The following ESRRG variants were observed in gnomAD, a reference collection of about 807,000 sequenced individuals.
The protein encoded by ESRRG is estrogen-related receptor gamma.
Under a neutral mutation model 44.0 loss-of-function variants are expected in ESRRG, and 13 were observed. The ratio of observed to expected loss-of-function variants is 0.30; its 90% confidence interval spans 0.19 to 0.47. The LOEUF (loss-of-function observed/expected upper bound fraction) is 0.47, where lower values mean the gene tolerates loss of function less well. ESRRG is among the 20% of genes least tolerant of loss of function. The probability of loss-of-function intolerance (pLI) is 1.00; values close to 1 mark genes in which losing one functional copy is unlikely to be tolerated. For synonymous variants in ESRRG, 215 were observed against 214.6 expected, an observed-to-expected ratio of 1.00 and a Z score of -0.02; for missense variants, 395 against 580.6, an observed-to-expected ratio of 0.68 and a Z score of 3.29.
chr1:217,089,612 C>T (rs2092294463), upstream of ESRRG: 3 of 152,296 alleles, frequency 2.0e-5, no homozygotes, highest in South Asian at 6.2e-4. Context: ...AACCCCCATG[C>T]AGGAACATTG....
At chr1:217,039,839 GC>G (rs1359684268) in intron 1 of ESRRG, among the ~76,000 whole-genome samples, 1 of 152,042 alleles carries the variant, frequency 6.6e-6, no homozygotes, top group East Asian at 1.9e-4. Flanking sequence ...TTGAAGACTG[GC>G]TTTTGTTTTT....
intron 2 of ESRRG, among the ~76,000 whole-genome samples, chr1:216,665,765 G>T (rs1318105199): frequency 6.6e-6 from 1 of 152,064 alleles, no homozygotes; most frequent in Non-Finnish European, 1.5e-5. Context: ...AAGTATAAAA[G>T]CTAAAATACT....
chr1:216,888,429 T>A (rs1372293638), intron 2 of ESRRG, among the ~76,000 whole-genome samples: 1 of 152,190 alleles, frequency 6.6e-6, no homozygotes, highest in Non-Finnish European at 1.5e-5. Flanking sequence ...TATTTGCTTG[T>A]TTGTCTTATT....
intron 3 of ESRRG, among the ~76,000 whole-genome samples, chr1:216,634,651 C>G (rs1269046268): frequency 6.6e-6 from 1 of 152,170 alleles, no homozygotes; most frequent in African/African-American, 2.4e-5. Flanking sequence ...GCTGGACAGG[C>G]AGTGCGTCCA....
At chr1:216,608,911 G>T (rs572782141) in intron 3 of ESRRG, among the ~76,000 whole-genome samples, 3 of 152,198 alleles carry the variant, frequency 2.0e-5, no homozygotes, top group Non-Finnish European at 4.4e-5. Context: ...AGGAGGAATT[G>T]TGTCTTCTGA....
chr1:216,951,229 T>C (rs1470301038), intron 1 of ESRRG, among the ~76,000 whole-genome samples: 1 of 152,204 alleles, frequency 6.6e-6, no homozygotes, highest in African/African-American at 2.4e-5. Context: ...TTGAACAATA[T>C]TAGTAACATT....
intron 2 of ESRRG, among the ~76,000 whole-genome samples, chr1:216,661,638 CT>C: frequency 6.6e-6 from 1 of 152,218 alleles, no homozygotes; most frequent in East Asian, 1.9e-4. Flanking sequence ...AGAAATTTTA[CT>C]TCTTGAGATT....
intron 1 of ESRRG, among the ~76,000 whole-genome samples, chr1:216,687,595 A>T (rs1038852703): frequency 6.6e-6 from 1 of 152,122 alleles, no homozygotes; most frequent in Non-Finnish European, 1.5e-5. Flanking sequence ...GAGAATCTGG[A>T]TGCAAGGGAT....
chr1:216,682,119 A>G (rs1418584004), intron 1 of ESRRG: 1 of 152,244 alleles, frequency 6.6e-6, no homozygotes, highest in Non-Finnish European at 1.5e-5. Flanking sequence ...TCATCATGTG[A>G]ATTTTACACA....
chr1:216,807,213 G>T (rs1043621301), intron 2 of ESRRG, among the ~76,000 whole-genome samples: 1 of 152,114 alleles, frequency 6.6e-6, no homozygotes, highest in Non-Finnish European at 1.5e-5. Flanking sequence ...TTGTTCCACC[G>T]TCGAATGGCA....
At chr1:216,713,419 C>T (rs1309000966) in intron 1 of ESRRG, among the ~76,000 whole-genome samples, 1 of 149,266 alleles carries the variant, frequency 6.7e-6, no homozygotes, top group African/African-American at 2.5e-5. Context: ...GCACAACTCA[C>T]AGATGCCCTA....
At chr1:216,674,465 G>A (rs754087617) in intron 2 of ESRRG, among the ~76,000 whole-genome samples, 10 of 152,118 alleles carry the variant, frequency 6.6e-5, no homozygotes, top group African/African-American at 9.7e-5. Flanking sequence ...ATACAGCTAT[G>A]AAGATGTTTA....
At chr1:216,832,091 A>C (rs1273878421) in intron 2 of ESRRG, among the ~76,000 whole-genome samples, 4 of 152,190 alleles carry the variant, frequency 2.6e-5, no homozygotes, top group African/African-American at 7.2e-5. Context: ...ATGCCAAACA[A>C]GGCAGTGCAT....
intron 1 of ESRRG, among the ~76,000 whole-genome samples, chr1:216,960,490 G>T (rs1488578710): frequency 6.6e-6 from 1 of 152,078 alleles, no homozygotes; most frequent in African/African-American, 2.4e-5. Context: ...ATTTCTATGG[G>T]ATTTTTCAAG....
At chr1:217,009,939 C>T (rs760923231) in intron 1 of ESRRG, among the ~76,000 whole-genome samples, 9 of 152,118 alleles carry the variant, frequency 5.9e-5, no homozygotes, top group Admixed American at 6.5e-5. Flanking sequence ...CTCATGACCT[C>T]ATAATCCACC....
At chr1:216,916,440 C>G (rs1300995058) in intron 2 of ESRRG, among the ~76,000 whole-genome samples, 1 of 152,176 alleles carries the variant, frequency 6.6e-6, no homozygotes, top group Admixed American at 6.5e-5. Flanking sequence ...CATTAGCATC[C>G]GTTATTAGTT....
chr1:217,075,596 C>G (rs534169153), intron 1 of ESRRG, among the ~76,000 whole-genome samples: 15 of 146,738 alleles, frequency 1.0e-4, no homozygotes, highest in Admixed American at 3.7e-4. Flanking sequence ...CTTTCCCCCC[C>G]CCAACATTAA....
chr1:216,608,169 A>T (rs1176054124), intron 3 of ESRRG, among the ~76,000 whole-genome samples: 1 of 152,226 alleles, frequency 6.6e-6, no homozygotes, highest in Non-Finnish European at 1.5e-5. Flanking sequence ...AGTATCACTG[A>T]TGAAATATTT....
At chr1:217,038,250 G>A (rs1337603968) in intron 1 of ESRRG, among the ~76,000 whole-genome samples, 1 of 152,198 alleles carries the variant, frequency 6.6e-6, no homozygotes, top group East Asian at 1.9e-4. Flanking sequence ...TGAGGGCCCT[G>A]CCCCTGCAGC....
Sources: gnomAD v4.1 joint callset for allele counts (sites outside exome capture counted in the v4.1 genomes callset) on GRCh38, gnomAD v4.1.1 for gene constraint, MANE v1.5 for transcripts, NCBI Gene and HGNC (gene_info 2026-07-23, HGNC 2026-07-21) for gene names.